Variants in RTRAF observed in about 807,000 individuals in gnomAD.
RTRAF encodes tRNA-splicing ligase complex subunit RTRAF.
A neutral mutation model predicts 34.4 loss-of-function variants in RTRAF; 14 were observed. That is an observed-to-expected ratio of 0.41 (90% CI 0.27 to 0.64). The LOEUF (loss-of-function observed/expected upper bound fraction) is 0.64. Among genes scored for constraint, RTRAF ranks in the 30% least tolerant of loss-of-function variants. RTRAF has a pLI of 0.34. For synonymous variants in RTRAF, 96 were observed against 95.3 expected (o/e 1.01, Z -0.04); for missense variants, 291 against 288.4 (o/e 1.01, Z -0.06).
intron 6 of RTRAF, 75 bp from the exon 7 acceptor site, chr14:52,004,119 C>T: frequency 1.5e-6 from 2 of 1,291,502 alleles, no homozygotes. Context: ...TAGCTAGGTG[C>T]TTTTCAGTTT....
chr14:52,006,666 A>T lies in RTRAF; in HGVS notation c.*2150A>T. 6.2e-7 allele frequency: 1 copy of T among 1,613,136 alleles called. No homozygotes were observed. The highest frequency in any genetic ancestry group is 1.1e-5 in the South Asian group (1 of 91,008). On this transcript the variant is annotated 3_prime_UTR_variant, in exon 8 of 8. Coordinates refer to ENST00000261700, the MANE Select transcript of RTRAF (RefSeq NM_016039.3). ...ACACTCCAGTTTTTTGGTTCCTTTT[A>T]AAACAAAGGGGGAAAATGAGGTCCT...
intron 3 of RTRAF, among the ~76,000 whole-genome samples, chr14:51,996,586 C>T (rs1173081766): frequency 6.6e-6 from 1 of 151,930 alleles, no homozygotes; most frequent in Admixed American, 6.6e-5. Flanking sequence ...CGTGTTACCT[C>T]ATTTGCTTCA....
chr14:51,997,696 T>G (rs1304220520), intron 3 of RTRAF, among the ~76,000 whole-genome samples: 2 of 151,888 alleles, frequency 1.3e-5, no homozygotes. Context: ...GTTTGAGGTT[T>G]GTATATGATG....
chr14:52,004,173 T>TTTGTC, intron 6 of RTRAF, 21 bp from the exon 7 acceptor site: 1 of 1,600,388 alleles, frequency 6.2e-7, no homozygotes, highest in Non-Finnish European at 8.6e-7. Flanking sequence ...ATACTCTCAT[T>TTTGTC]TTGTCTTTCT....
rs532704605 is a variant in RTRAF, at chr14:51,999,771, A to G, written c.437A>G (p.His146Arg). 4 of 1,610,432 alleles carry G rather than the reference A, an allele frequency of 2.5e-6. No homozygotes were observed. The highest frequency in any genetic ancestry group is 2.2e-5 in the East Asian group (1 of 44,850). The change falls in exon 5 of 8, where the codon CAT (histidine) becomes CGT (arginine). Residue 146 changes from histidine (H) to arginine (R), a missense_variant. Transcript: ENST00000261700. The part of the protein sequence containing the change: ...ALANLLQIQR[H>R]DDYLVMLKAI... ...GCTAACCTGCTTCAGATTCAGCGTC[A>G]TGATGATTACCTGGTAATGCTTAAG... is the stretch of plus-strand genomic sequence containing the variant.
Position 51,998,482 on chromosome 14 carries a change from C to T in RTRAF, c.287-12C>T. The T allele has an allele frequency of 6.7e-7, 1 of 1,491,748 alleles. No homozygotes were observed. Among genetic ancestry groups the T allele is most frequent in the African/African-American group, 1.4e-5 (1 of 69,532 alleles). The allele number at this position is 1,491,748 out of a possible 1,614,324, so 92.4% of individuals were successfully genotyped here. ...GCAGTTGTACAAATTATATTTTTGC[C>T]TGTTTTTATAGCTGAAAAATACAAG... On this transcript the variant is annotated splice_polypyrimidine_tract_variant and intron_variant, in intron 3 of 7. Transcript: ENST00000261700.
chr14:51,995,010 C>T (rs1890497127), intron 3 of RTRAF, among the ~76,000 whole-genome samples: 1 of 151,848 alleles, frequency 6.6e-6, no homozygotes, highest in Non-Finnish European at 1.5e-5. Context: ...AGTATAATTT[C>T]CCTCTGAACT....
chr14:52,004,203 G>A lies in RTRAF; in HGVS notation c.541G>A (p.Val181Ile). 2 of 1,612,862 alleles carry A rather than the reference G, an allele frequency of 1.2e-6. No individual in the cohort carries two copies. The highest frequency in any genetic ancestry group is 1.7e-6 in the Non-Finnish European group (2 of 1,179,142). ...CTTTCTTTTTTTAAAGGGCTTACCTGTTGCTTTAGACAAACATATTCTTGG... is the reference window on the plus strand; with the variant it reads ...CTTTCTTTTTTTAAAGGGCTTACCTATTGCTTTAGACAAACATATTCTTGG... ...KANQTKEGLP[V>I]ALDKHILGFD... The change falls in exon 7 of 8, where the codon GTT becomes ATT. Residue 181 changes from valine (V) to isoleucine (I), a missense_variant. By Grantham distance (29) the Val-to-Ile change is conservative (BLOSUM62 3). Transcript: ENST00000261700.
intron 2 of RTRAF, 62 bp from the exon 3 acceptor site, chr14:51,993,661 C>G: frequency 3.9e-6 from 4 of 1,028,184 alleles, no homozygotes; most frequent in Non-Finnish European, 5.9e-6. Context: ...CTCTCCCATT[C>G]TTTTTTCTGT....
Position 52,004,545 on chromosome 14 carries a change from C to CTT in RTRAF, c.*30_*31dup. 1 of 1,602,782 alleles carries CTT rather than the reference C, an allele frequency of 6.2e-7. No homozygotes were observed. Among genetic ancestry groups the CTT allele is most frequent in the Non-Finnish European group, 8.5e-7 (1 of 1,174,482 alleles). On this transcript the variant is annotated 3_prime_UTR_variant, in exon 8 of 8. Coordinates refer to ENST00000261700, the MANE Select transcript of RTRAF (RefSeq NM_016039.3). ...CTTGAGGACTTCAGCTTCTCACCTA[C>CTT]TTAGTACAGTTGGGAACCATACACT...
chr14:51,990,303 A>T (rs940832004), intron 1 of RTRAF, among the ~76,000 whole-genome samples: 13 of 152,234 alleles, frequency 8.5e-5, no homozygotes, highest in African/African-American at 2.7e-4. Flanking sequence ...AATTGTGAAT[A>T]CAAAGGTATT....
Position 51,989,691 on chromosome 14 carries a change from A to G in RTRAF, c.52A>G (p.Asn18Asp). ...ALDYHNPAGFNCKDETEFRNF... is the reference protein window; with the variant it reads ...ALDYHNPAGFDCKDETEFRNF... The stretch of plus-strand genomic sequence containing the variant: ...CGACTACCACAACCCCGCCGGCTTC[A>G]ACTGCAAAGGTGAGGCGGCGGCCTC... The change falls in exon 1 of 8, where the codon AAC becomes GAC. Residue 18 changes from asparagine to aspartate, a missense_variant. Asn to Asp is a conservative substitution (Grantham distance 23). Coordinates refer to ENST00000261700, the MANE Select transcript of RTRAF (RefSeq NM_016039.3). The G allele has an allele frequency of 6.2e-7, 1 of 1,604,202 alleles. No homozygotes were observed. The highest frequency in any genetic ancestry group is 8.5e-7 in the Non-Finnish European group (1 of 1,175,872).
rs1383139354 is a variant in RTRAF at position 52,007,851 on chromosome 14, G to T, written c.*3335G>T. 3.1e-6 allele frequency: 5 copies of T among 1,613,966 alleles called. No homozygotes were observed. Among genetic ancestry groups the T allele is most frequent in the South Asian group, 2.2e-5 (2 of 91,040 alleles). On this transcript the variant is annotated 3_prime_UTR_variant, in exon 8 of 8. Coordinates refer to ENST00000261700, the MANE Select transcript of RTRAF (RefSeq NM_016039.3). ...GAGCAGTTTAGAGAAAGGGTCAAAG[G>T]TTAAGCCATTGGGCAATCCAATGTC...
intron 5 of RTRAF, among the ~76,000 whole-genome samples, chr14:52,000,930 A>T (rs537558057): frequency 5.3e-5 from 8 of 152,220 alleles, no homozygotes; most frequent in Non-Finnish European, 1.0e-4. Context: ...CTACAACAAA[A>T]TGCTATAAAA....
intron 2 of RTRAF, 48 bp from the exon 3 acceptor site, chr14:51,993,675 T>C (rs750944461): frequency 8.6e-7 from 1 of 1,161,550 alleles, no homozygotes; most frequent in Admixed American, 2.0e-5. Context: ...TTTCTGTGAC[T>C]TTATGGTAAT....
rs28371009 is a variant in RTRAF at position 51,995,652 on chromosome 14, A to T, written c.286+1830A>T. 4.6e-3 allele frequency among the ~76,000 whole-genome samples: 693 copies of T among 152,142 alleles called. 8 individuals are homozygous for T. Among genetic ancestry groups the T allele is most frequent in the African/African-American group, 0.016 (663 of 41,514 alleles). The stretch of plus-strand genomic sequence containing the variant: ...ACAACAGGTGCTTATCAATTTCAGT[A>T]ATGTGTGGCGAATGCAGTATATGTG... On this transcript the variant is annotated intron_variant, in intron 3 of 7. Transcript: ENST00000261700.
intron 4 of RTRAF, among the ~76,000 whole-genome samples, 175 bp downstream of exon 4, chr14:51,998,755 C>T (rs1057005778): frequency 1.3e-5 from 2 of 151,860 alleles, no homozygotes; most frequent in African/African-American, 2.4e-5. Context: ...GTGCTTTCTC[C>T]TTCCCCTTGC....
Position 51,998,554 on chromosome 14 carries a change from A to G in RTRAF, c.347A>G (p.Asn116Ser), listed in dbSNP as rs1476666953. ...NSKTADNATK[N>S]AEPLINLDVN... ...AAAACTGCTGACAATGCAACTAAAA[A>G]TGCAGAACCATTGATCAATTTGGAT... is the stretch of plus-strand genomic sequence containing the variant. The change falls in exon 4 of 8, where the codon AAT (asparagine) becomes AGT (serine). Residue 116 changes from asparagine to serine, a missense_variant. Asn to Ser is a conservative substitution (Grantham distance 46, BLOSUM62 1). Coordinates refer to ENST00000261700, the MANE Select transcript of RTRAF (RefSeq NM_016039.3). 6.3e-7 allele frequency: 1 copy of G among 1,594,086 alleles called. No homozygotes were observed. Among genetic ancestry groups the G allele is most frequent in the Non-Finnish European group, 8.6e-7 (1 of 1,169,488 alleles).
In RTRAF at chr14:52,010,018, TTCCAAATG is replaced by T. The variant is rs1207839780; in HGVS notation, c.*5513_*5520del. The T allele has an allele frequency of 2.0e-5, 3 of 152,002 alleles. No homozygotes were observed. The highest frequency in any genetic ancestry group is 2.9e-5 in the Non-Finnish European group (2 of 68,058). The allele number at this position is 152,002 out of a possible 1,614,324, so 9.4% of individuals were successfully genotyped here. A position where few individuals can be genotyped will look rare whatever the true frequency, so the allele number is the denominator to read the frequency against. The stretch of plus-strand genomic sequence containing the variant: ...AAGAAAAAAAAAAGAAAAAAGGACC[TTCCAAATG>T]TCCAAATGTCAGAAAGGCAAGCCTA... On this transcript the variant is annotated 3_prime_UTR_variant, in exon 8 of 8. Coordinates refer to ENST00000261700, the MANE Select transcript of RTRAF (RefSeq NM_016039.3).
Sources: gnomAD v4.1 joint callset for allele counts (sites outside exome capture counted in the v4.1 genomes callset) on GRCh38, gnomAD v4.1.1 for gene constraint, MANE v1.5 for transcripts, NCBI Gene and HGNC (gene_info 2026-07-23, HGNC 2026-07-21) for gene names.